FNDC1: variants seen among roughly 807,000 people sequenced by gnomAD.
The protein encoded by FNDC1 is fibronectin type III domain containing 1.
Under a neutral mutation model 168.0 loss-of-function variants are expected in FNDC1, and 96 were observed. That is an observed-to-expected ratio of 0.57 (90% CI 0.48 to 0.68). The LOEUF is 0.68. FNDC1 is among the 30% of genes least tolerant of loss of function. The pLI is 0.00. For synonymous variants in FNDC1, 1,099 were observed against 1,025.9 expected (o/e 1.07, Z -1.36); for missense variants, 2,587 against 2,482.1 (o/e 1.04, Z -0.90).
intron 12 of FNDC1, among the ~76,000 whole-genome samples, chr6:159,237,859 C>T (rs1191096873): frequency 2.0e-5 from 3 of 152,158 alleles, no homozygotes; most frequent in Non-Finnish European, 4.4e-5. Flanking sequence ...AATCTGAGTT[C>T]ACATATACGT....
At chr6:159,236,372 A>G (rs1583899168) in intron 12 of FNDC1, 57 bp downstream of exon 12, 1 of 1,152,200 alleles carries the variant, frequency 8.7e-7, no homozygotes, top group Non-Finnish European at 1.3e-6. Flanking sequence ...GAAGAGAAAA[A>G]TGGTGGACAT....
rs538779825 is a variant in FNDC1, at chr6:159,263,537, C to G, written c.5255-1438C>G. Among the ~76,000 whole-genome samples, 11 of 152,196 alleles carry G rather than the reference C, an allele frequency of 7.2e-5. No homozygotes were observed. In the South Asian group the frequency reaches 2.3e-3, roughly 32 times the overall value. On this transcript the variant is annotated intron_variant, in intron 19 of 22. Transcript: ENST00000297267. ...CAGCACTTTGGGAGGCCGAGTCAGG[C>G]GGATCACGAGGTCATGAGATCGAGA...
At chr6:159,184,314 A>G (rs149972541) in intron 1 of FNDC1, among the ~76,000 whole-genome samples, 29 of 152,346 alleles carry the variant, frequency 1.9e-4, no homozygotes, top group Non-Finnish European at 3.7e-4. Context: ...TGGTCAGCAA[A>G]TGTTCCTTTC....
chr6:159,222,056 G>T (rs1782838685), intron 6 of FNDC1, among the ~76,000 whole-genome samples: 1 of 152,132 alleles, frequency 6.6e-6, no homozygotes, highest in Admixed American at 6.5e-5. Flanking sequence ...GCGGGAGGTG[G>T]TGCATGCAAG....
At chr6:159,186,072 C>T (rs2114930748) in intron 1 of FNDC1, among the ~76,000 whole-genome samples, 1 of 152,308 alleles carries the variant, frequency 6.6e-6, no homozygotes. Context: ...GAGCAAATTA[C>T]AGTCAGTTCC....
In FNDC1 at chr6:159,179,622, C is replaced by T. The variant is rs1004763578; in HGVS notation, c.109+9917C>T. On this transcript the variant is annotated intron_variant, in intron 1 of 22. Transcript: ENST00000297267. ...CTTATCACTGCCTTATTTTGCTCCA[C>T]GCCCTCATCAACACCCGGCATTTCA... Among the ~76,000 whole-genome samples, 8 of 152,300 alleles carry T rather than the reference C, an allele frequency of 5.3e-5. No individual in the cohort carries two copies. In the East Asian group the frequency reaches 1.2e-3, roughly 22 times the overall value.
Position 159,209,074 on chromosome 6 carries a change from C to T in FNDC1, c.461-5871C>T, listed in dbSNP as rs7757139. Reference sequence around the variant, plus strand: ...GTTGGTCAGGCTGGTCCCGAACTCCCGACCTCAGGAGATCTGCCTGCCTCG... The same window carrying T: ...GTTGGTCAGGCTGGTCCCGAACTCCTGACCTCAGGAGATCTGCCTGCCTCG... On this transcript the variant is annotated intron_variant, in intron 4 of 22. Coordinates refer to ENST00000297267, the MANE Select transcript of FNDC1 (RefSeq NM_032532.3). 8.0e-3 allele frequency among the ~76,000 whole-genome samples: 1,212 copies of T among 152,164 alleles called. 17 individuals carry two copies. Among genetic ancestry groups the T allele is most frequent in the African/African-American group, 0.028 (1,165 of 41,518 alleles).
chr6:159,243,646 G>A (rs1783478281), intron 14 of FNDC1, among the ~76,000 whole-genome samples: 1 of 152,130 alleles, frequency 6.6e-6, no homozygotes, highest in Non-Finnish European at 1.5e-5. Context: ...CATTGGTGCT[G>A]AGTTGACTTG....
intron 18 of FNDC1, among the ~76,000 whole-genome samples, chr6:159,258,403 A>G (rs1459812825): frequency 6.6e-6 from 1 of 152,022 alleles, no homozygotes; most frequent in Non-Finnish European, 1.5e-5. Context: ...GAGCTTGGGG[A>G]TAGAGAGGGG....
rs75782648 is a variant in FNDC1 at position 159,188,222 on chromosome 6, A to C, written c.110-9209A>C. On this transcript the variant is annotated intron_variant, in intron 1 of 22. Transcript: ENST00000297267. ...GGTTTTATTGGACCAGTGTATTTCC[A>C]AAGCCCTTAACATTCCTTTGGGAGT... 8.9e-3 allele frequency among the ~76,000 whole-genome samples: 1,351 copies of C among 152,302 alleles called. 20 individuals carry two copies. The highest frequency in any genetic ancestry group is 0.031 in the African/African-American group (1,285 of 41,558).
At chr6:159,199,849 CATCT>C in intron 2 of FNDC1, 143 bp from the exon 3 acceptor site, 1 of 639,056 alleles carries the variant, frequency 1.6e-6, no homozygotes, top group South Asian at 1.9e-5. Context: ...AAAAGAGAGA[CATCT>C]ATCATTATGC....
intron 22 of FNDC1, among the ~76,000 whole-genome samples, chr6:159,269,324 ACTAT>A (rs534803404): frequency 0.025 from 1,022 of 40,474 alleles, 123 homozygotes; most frequent in African/African-American, 0.062. Flanking sequence ...TATTTATCTA[ACTAT>A]CTATCTATCT....
chr6:159,255,649 TCA>T (rs1338349626), intron 17 of FNDC1, among the ~76,000 whole-genome samples: 2 of 152,214 alleles, frequency 1.3e-5, no homozygotes, highest in Non-Finnish European at 2.9e-5. Flanking sequence ...TTGCTAATAC[TCA>T]GTTTCCTCAT....
At chr6:159,197,359 CA>C (rs1782266685) in intron 1 of FNDC1, 71 bp from the exon 2 acceptor site, 2 of 1,375,462 alleles carry the variant, frequency 1.5e-6, no homozygotes. Context: ...CTAACAATAT[CA>C]AAGACGATTA....
chr6:159,264,476 C>A (rs1777552302), intron 19 of FNDC1, among the ~76,000 whole-genome samples: 1 of 152,194 alleles, frequency 6.6e-6, no homozygotes, highest in Admixed American at 6.5e-5. Flanking sequence ...GTTTGTTTAC[C>A]TAGTCAGATC....
At chr6:159,257,396 A>T (rs1777396985) in intron 18 of FNDC1, among the ~76,000 whole-genome samples, 2 of 152,216 alleles carry the variant, frequency 1.3e-5, no homozygotes, top group Non-Finnish European at 2.9e-5. Context: ...CATTTTGGCC[A>T]ATTTTAAGCC....
chr6:159,171,144 C>A (rs1374853009), intron 1 of FNDC1, among the ~76,000 whole-genome samples: 1 of 152,090 alleles, frequency 6.6e-6, no homozygotes, highest in Non-Finnish European at 1.5e-5. Context: ...CCGCGATCTG[C>A]ACTCTTGCTT....
In FNDC1 at chr6:159,236,275, A is replaced by C; in HGVS notation, c.4028A>C (p.Asn1343Thr). The C allele has an allele frequency of 6.2e-7, 1 of 1,613,792 alleles. No individual in the cohort carries two copies. Among genetic ancestry groups the C allele is most frequent in the African/African-American group, 1.3e-5 (1 of 75,064 alleles). The change falls in exon 12 of 23, where the codon AAT becomes ACT. Residue 1343 changes from asparagine to threonine, a missense_variant. By Grantham distance (65) the Asn-to-Thr change is moderately conservative. Transcript: ENST00000297267. ...CTTCCTGGTAGTAATGGAAAACCGA[A>C]TGGACAGAGAATTATCAATGGCCCT... Reference protein sequence around the residue: ...KVLPGSNGKPNGQRIINGPQG... With the variant: ...KVLPGSNGKPTGQRIINGPQG...
intron 22 of FNDC1, among the ~76,000 whole-genome samples, chr6:159,269,244 T>C (rs1777666053): frequency 3.1e-5 from 4 of 128,716 alleles, no homozygotes; most frequent in African/African-American, 1.4e-4. Flanking sequence ...TATCTATCTA[T>C]CTATCCATCT....
Sources: gnomAD v4.1 joint callset for allele counts (sites outside exome capture counted in the v4.1 genomes callset) on GRCh38, gnomAD v4.1.1 for gene constraint, MANE v1.5 for transcripts, NCBI Gene and HGNC (gene_info 2026-07-23, HGNC 2026-07-21) for gene names.